The following CLCN1 variants were observed in gnomAD, a reference collection of about 807,000 sequenced individuals.
CLCN1 encodes the protein chloride voltage-gated channel 1.
Under a neutral mutation model 114.5 loss-of-function variants are expected in CLCN1, and 100 were observed. That is an observed-to-expected ratio of 0.87 (90% confidence interval 0.74 to 1.03). The LOEUF is 1.03. Ranked by LOEUF, CLCN1 falls within the 50% of genes least tolerant of loss-of-function variation. CLCN1 has a pLI of 0.00. For missense variants in CLCN1, 1,188 were observed against 1,250.0 expected, an observed-to-expected ratio of 0.95 and a Z score of 0.75; for synonymous variants, 485 against 487.1, an observed-to-expected ratio of 1.00 and a Z score of 0.06.
chr7:143,331,393 G>C, intron 9 of CLCN1, 77 bp downstream of exon 9: 1 of 1,234,094 alleles, frequency 8.1e-7, no homozygotes, highest in Non-Finnish European at 1.2e-6. Flanking sequence ...ACCCAAGCTA[G>C]AAAGAAGGTG....
At chr7:143,333,344 G>A (rs1802782767) in intron 12 of CLCN1, among the ~76,000 whole-genome samples, 1 of 151,864 alleles carries the variant, frequency 6.6e-6, no homozygotes, top group African/African-American at 2.4e-5. Flanking sequence ...TGCTATAGAA[G>A]TAAACTAGTA....
intron 1 of CLCN1, 123 bp from the exon 2 acceptor site, chr7:143,319,632 C>G: frequency 1.0e-6 from 1 of 981,020 alleles, no homozygotes; most frequent in Non-Finnish European, 1.6e-6. Flanking sequence ...ACCCTGCATG[C>G]AGTCAACACC....
chr7:143,345,589 C>T lies in CLCN1; in HGVS notation c.1999C>T (p.Pro667Ser). 1 of 1,551,738 alleles carries T rather than the reference C, an allele frequency of 6.4e-7. No individual in the cohort carries two copies. The highest frequency in any genetic ancestry group is 8.7e-7 in the Non-Finnish European group (1 of 1,147,612). ...GGCCCTCCTGCAGCGCCACCTGTGT[C>T]CTGAGCGCAGGCTGCGCGCAGCCCA... The part of the protein sequence containing the change: ...LQALLQRHLC[P>S]ERRLRAAQEM... The change falls in exon 17 of 23, where the codon CCT becomes TCT. Residue 667 changes from proline to serine, a missense_variant. Physicochemically the swap from Pro to Ser is moderately conservative, Grantham distance 74. Coordinates refer to ENST00000343257, the MANE Select transcript of CLCN1 (RefSeq NM_000083.3).
At chr7:143,320,003 T>C in intron 2 of CLCN1, 128 bp downstream of exon 2, 2 of 996,698 alleles carry the variant, frequency 2.0e-6, no homozygotes, top group Non-Finnish European at 3.1e-6. Flanking sequence ...CTAATTGTTT[T>C]TAAGAGACAG....
At chr7:143,344,177 A>G (rs1803164967) in intron 16 of CLCN1, among the ~76,000 whole-genome samples, 1 of 152,250 alleles carries the variant, frequency 6.6e-6, no homozygotes, top group Admixed American at 6.5e-5. Flanking sequence ...GGTTGTTAGT[A>G]AACGATAATT....
In CLCN1 at chr7:143,321,597, C is replaced by T. The variant is rs1802436172; in HGVS notation, c.562+104C>T. 4.4e-6 allele frequency: 7 copies of T among 1,603,904 alleles called. No individual in the cohort carries two copies. Among genetic ancestry groups the T allele is most frequent in the Non-Finnish European group, 6.0e-6 (7 of 1,171,746 alleles). ...CACCCACAGCCCTGTGCTGCCTTGC[C>T]CCATCCTCCCCACCACTGCCTCTTC... On this transcript the variant is annotated intron_variant, in intron 4 of 22. Coordinates refer to ENST00000343257, the MANE Select transcript of CLCN1 (RefSeq NM_000083.3). This position sits in a 1 kb window ranked among gnomAD's most constrained non-coding sequence, Gnocchi z 4.2.
intron 17 of CLCN1, 152 bp from the exon 18 acceptor site, chr7:143,345,988 T>TG: frequency 1.3e-6 from 1 of 787,000 alleles, no homozygotes; most frequent in Admixed American, 2.0e-5. Flanking sequence ...TTGCAGATGA[T>TG]GGTATCCTCG....
chr7:143,324,288 A>G lies in CLCN1; in HGVS notation c.775-126A>G. The G allele has an allele frequency of 1.3e-6, 1 of 755,604 alleles. No individual in the cohort carries two copies. Among genetic ancestry groups the G allele is most frequent in the Non-Finnish European group, 2.4e-6 (1 of 414,102 alleles). The allele number at this position is 755,604 out of a possible 1,614,324, so 46.8% of individuals were successfully genotyped here. ...GCCTGGGAATCACAGGGGACATGGG[A>G]CCACAAGGACTCCTTTTGACTTAGG... On this transcript the variant is annotated intron_variant, in intron 6 of 22. Transcript: ENST00000343257. This position sits in a 1 kb window ranked among gnomAD's most constrained non-coding sequence, Gnocchi z 4.6.
rs1174993869 is a variant in CLCN1 at position 143,321,331 on chromosome 7, T to C, written c.434-34T>C. ...TGCCGTGGACACGGCTGCTCAGCCA[T>C]GTTCTGCCTAACCCCAGGCATGTGT... On this transcript the variant is annotated intron_variant, in intron 3 of 22. Coordinates refer to ENST00000343257, the MANE Select transcript of CLCN1 (RefSeq NM_000083.3). The surrounding 1 kb of genome is among the most constrained non-coding windows in gnomAD (Gnocchi z 4.2). 1 of 1,613,400 alleles carries C rather than the reference T, an allele frequency of 6.2e-7. No homozygotes were observed. The highest frequency in any genetic ancestry group is 8.5e-7 in the Non-Finnish European group (1 of 1,179,812).
chr7:143,346,675 T>C lies in CLCN1; in HGVS notation c.2364+17T>C. 6.2e-7 allele frequency: 1 copy of C among 1,602,460 alleles called. No individual in the cohort carries two copies. The highest frequency in any genetic ancestry group is 8.5e-7 in the Non-Finnish European group (1 of 1,170,314). ...ACAACCCAGGTGAGAGGAGATGTGT[T>C]TGGGGATACAGGGGAAAGGGAGCCT... On this transcript the variant is annotated intron_variant, in intron 19 of 22. Transcript: ENST00000343257.
At chr7:143,325,754 T>C in intron 7 of CLCN1, among the ~76,000 whole-genome samples, 1 of 152,214 alleles carries the variant, frequency 6.6e-6, no homozygotes, top group East Asian at 1.9e-4. Flanking sequence ...CCTCGTAAAA[T>C]TGGAATTTCT....
chr7:143,335,259 G>A (rs1420826233), intron 12 of CLCN1, among the ~76,000 whole-genome samples: 1 of 142,234 alleles, frequency 7.0e-6, no homozygotes, highest in Non-Finnish European at 1.5e-5. Flanking sequence ...TGATATAGAG[G>A]ACTCACCTGT....
In CLCN1 at chr7:143,324,729, G is replaced by A. The variant is rs1310400807; in HGVS notation, c.853+237G>A. 1.3e-5 allele frequency among the ~76,000 whole-genome samples: 2 copies of A among 152,230 alleles called. No homozygotes were observed. Among genetic ancestry groups the A allele is most frequent in the South Asian group, 2.1e-4 (1 of 4,834 alleles). ...AGGAGAGAACTGAGTTACAGAGAGGGACAGTGACTTGAGCAAGTTCATTCT... is the reference window on the plus strand; with the variant it reads ...AGGAGAGAACTGAGTTACAGAGAGGAACAGTGACTTGAGCAAGTTCATTCT... On this transcript the variant is annotated intron_variant, in intron 7 of 22. Transcript: ENST00000343257. The surrounding 1 kb of genome is among the most constrained non-coding windows in gnomAD (Gnocchi z 4.6).
At chr7:143,349,284 G>A (rs1303560202) in intron 20 of CLCN1, among the ~76,000 whole-genome samples, 2 of 152,198 alleles carry the variant, frequency 1.3e-5, no homozygotes, top group South Asian at 2.1e-4. Flanking sequence ...TAGTCCGGAA[G>A]ATGAGAGTAT....
chr7:143,351,792 C>A lies in CLCN1; in HGVS notation c.2794C>A (p.Pro932Thr), dbSNP rs757079851. ...VIAASPETPV[P>T]SPSPEPPLSL... Reference sequence around the variant, plus strand: ...TGCTGCCTCCCCAGAGACCCCTGTGCCATCTCCTTCCCCAGAGCCCCCTCT... The same window carrying A: ...TGCTGCCTCCCCAGAGACCCCTGTGACATCTCCTTCCCCAGAGCCCCCTCT... The change falls in exon 23 of 23, where the codon CCA becomes ACA. Residue 932 changes from proline to threonine, a missense_variant. Pro to Thr is a conservative substitution (Grantham distance 38, BLOSUM62 -1). Coordinates refer to ENST00000343257, the MANE Select transcript of CLCN1 (RefSeq NM_000083.3). 1 of 1,614,116 alleles carries A rather than the reference C, an allele frequency of 6.2e-7. No homozygotes were observed. Among genetic ancestry groups the A allele is most frequent in the Non-Finnish European group, 8.5e-7 (1 of 1,180,000 alleles).
rs1319653705 is a variant in CLCN1 at position 143,339,619 on chromosome 7, T to G, written c.1580T>G (p.Ile527Ser). Reference sequence around the variant, plus strand: ...ATCCTACCTGGGGGCTATGCAGTAATTGGTGAGAAACATTCCCACTTCCCT... The same window carrying G: ...ATCCTACCTGGGGGCTATGCAGTAAGTGGTGAGAAACATTCCCACTTCCCT... ...YKILPGGYAV[I>S]GAAALTGAVS... Residue 527 changes from isoleucine (I) to serine (S), a missense_variant and splice_region_variant, in exon 14 of 23, where the codon ATT (isoleucine) becomes AGT (serine). By Grantham distance (142) the Ile-to-Ser change is moderately radical. Coordinates refer to ENST00000343257, the MANE Select transcript of CLCN1 (RefSeq NM_000083.3). The surrounding 1 kb of genome is among the most constrained non-coding windows in gnomAD (Gnocchi z 4.1). 1.9e-6 allele frequency: 3 copies of G among 1,584,786 alleles called. No homozygotes were observed. The highest frequency in any genetic ancestry group is 8.7e-7 in the Non-Finnish European group (1 of 1,153,384).
chr7:143,320,610 TTTGTTTGTTTGTTTG>T lies in CLCN1; in HGVS notation c.302-36_302-22del, dbSNP rs1396971497. 124 of 1,488,170 alleles carry T rather than the reference TTTGTTTGTTTGTTTG, an allele frequency of 8.3e-5. No individual in the cohort carries two copies. In the East Asian group the frequency reaches 1.2e-3, roughly 15 times the overall value. The allele number at this position is 1,488,170 out of a possible 1,614,324, so 92.2% of individuals were successfully genotyped here. On this transcript the variant is annotated intron_variant, in intron 2 of 22. Transcript: ENST00000343257. ...CTGTCTCTACATATATATATTTTTG[TTTGTTTGTTTGTTTG>T]TTGTTTGTTTGTTTGTTTTTTCCCT...
rs555518498 is a variant in CLCN1, at chr7:143,321,881, A to G, written c.696+33A>G. 6.2e-7 allele frequency: 1 copy of G among 1,609,360 alleles called. No individual in the cohort carries two copies. Among genetic ancestry groups the G allele is most frequent in the African/African-American group, 1.3e-5 (1 of 74,964 alleles). ...TGGCATGACTGAAGCCAGAGCTGGG[A>G]GGGGCCCTCAGGAGCCAGGGTGGCA... On this transcript the variant is annotated intron_variant, in intron 5 of 22. Coordinates refer to ENST00000343257, the MANE Select transcript of CLCN1 (RefSeq NM_000083.3). The surrounding 1 kb of genome is among the most constrained non-coding windows in gnomAD (Gnocchi z 4.2).
rs1490537212 is a variant in CLCN1 at position 143,324,448 on chromosome 7, G to C, written c.809G>C (p.Gly270Ala). 3 of 1,613,908 alleles carry C rather than the reference G, an allele frequency of 1.9e-6. No homozygotes were observed. Among genetic ancestry groups the C allele is most frequent in the Non-Finnish European group, 2.5e-6 (3 of 1,179,982 alleles). ...TACTACTCTGATATCCTGACGGTGG[G>C]CTGTGCTGTGGGAGTCGGCTGTTGT... is the stretch of plus-strand genomic sequence containing the variant. ...PYYYSDILTV[G>A]CAVGVGCCFG... Residue 270 changes from glycine to alanine, a missense_variant, in exon 7 of 23, where the codon GGC becomes GCC. Transcript: ENST00000343257. The surrounding 1 kb of genome is among the most constrained non-coding windows in gnomAD (Gnocchi z 4.6).
Sources: gnomAD v4.1 joint callset for allele counts (sites outside exome capture counted in the v4.1 genomes callset) on GRCh38, gnomAD v4.1.1 for gene constraint, Gnocchi (gnomAD v3.1) non-coding constraint, MANE v1.5 for transcripts, NCBI Gene and HGNC (gene_info 2026-07-23, HGNC 2026-07-21) for gene names.